The following BBS9 variants were observed in gnomAD, a reference collection of about 807,000 sequenced individuals.
The protein encoded by BBS9 is protein PTHB1.
Under a neutral mutation model 117.7 loss-of-function variants are expected in BBS9, and 89 were observed. The observed-to-expected ratio is 0.76, with a 90% CI of 0.64 to 0.90. BBS9 has a LOEUF of 0.90. Among genes scored for constraint, BBS9 ranks in the 40% least tolerant of loss-of-function variants. The pLI is 0.00. For missense variants in BBS9, 982 were observed against 1,042.2 expected (o/e 0.94, Z 0.80); for synonymous variants, 379 against 370.9 (o/e 1.02, Z -0.25).
intron 20 of BBS9, 108 bp from the exon 21 acceptor site, chr7:33,533,846 G>T: frequency 7.7e-7 from 1 of 1,297,634 alleles, no homozygotes. Context: ...ACTCTTCACA[G>T]GTTCCCAACA....
At chr7:33,386,566 C>T (rs1262697189) in intron 18 of BBS9, among the ~76,000 whole-genome samples, 2 of 152,002 alleles carry the variant, frequency 1.3e-5, no homozygotes. Flanking sequence ...TCTCGGCTCA[C>T]TGCAAGCTTG....
intron 5 of BBS9, among the ~76,000 whole-genome samples, chr7:33,248,023 G>A (rs1441182385): frequency 6.6e-6 from 1 of 152,182 alleles, no homozygotes; most frequent in Non-Finnish European, 1.5e-5. Flanking sequence ...AATGGTCTTT[G>A]TGAGGCAATT....
At chr7:33,450,676 G>A (rs1209583119) in intron 19 of BBS9, among the ~76,000 whole-genome samples, 1 of 152,066 alleles carries the variant, frequency 6.6e-6, no homozygotes, top group East Asian at 1.9e-4. Flanking sequence ...GTTTTCTTTG[G>A]AGAAATCTCT....
chr7:33,133,178 G>A (rs1170272863), intron 1 of BBS9, among the ~76,000 whole-genome samples: 1 of 151,896 alleles, frequency 6.6e-6, no homozygotes, highest in Non-Finnish European at 1.5e-5. Context: ...CCAAAAGCAT[G>A]AAGAATAACA....
chr7:33,443,552 C>A (rs1430753627), intron 19 of BBS9, among the ~76,000 whole-genome samples: 1 of 152,130 alleles, frequency 6.6e-6, no homozygotes, highest in Admixed American at 6.6e-5. Flanking sequence ...ATTGTTTGAT[C>A]AGTGTGAAAT....
chr7:33,222,909 C>T (rs893369535), intron 5 of BBS9, among the ~76,000 whole-genome samples: 15 of 151,048 alleles, frequency 9.9e-5, no homozygotes, highest in East Asian at 1.9e-4. Flanking sequence ...GCTGAGATCA[C>T]GCCACTGTAC....
chr7:33,572,714 A>G (rs1035707672), intron 21 of BBS9, among the ~76,000 whole-genome samples: 1 of 151,964 alleles, frequency 6.6e-6, no homozygotes, highest in Non-Finnish European at 1.5e-5. Flanking sequence ...CATATTTTTC[A>G]TGTATGTGTT....
chr7:33,344,083 T>C (rs1299505170), intron 11 of BBS9, among the ~76,000 whole-genome samples: 2 of 132,860 alleles, frequency 1.5e-5, no homozygotes, highest in Admixed American at 1.5e-4. Flanking sequence ...GATGAGTTTT[T>C]TTTTTTTTTT....
intron 19 of BBS9, among the ~76,000 whole-genome samples, chr7:33,451,443 G>T (rs945086568): frequency 6.6e-6 from 1 of 152,020 alleles, no homozygotes; most frequent in Non-Finnish European, 1.5e-5. Context: ...ATTATTTGTA[G>T]AAGAGACTAT....
At chr7:33,368,850 T>C (rs1174291381) in intron 17 of BBS9, among the ~76,000 whole-genome samples, 1 of 152,110 alleles carries the variant, frequency 6.6e-6, no homozygotes, top group Non-Finnish European at 1.5e-5. Flanking sequence ...AAAATCATAA[T>C]AGTTTCTGGA....
intron 5 of BBS9, among the ~76,000 whole-genome samples, chr7:33,244,723 A>T (rs1583847923): frequency 6.6e-6 from 1 of 152,292 alleles, no homozygotes; most frequent in African/African-American, 2.4e-5. Context: ...GCATTTGAAG[A>T]TACCAACTGG....
chr7:33,531,175 G>A (rs1850522163), intron 20 of BBS9, among the ~76,000 whole-genome samples: 1 of 152,184 alleles, frequency 6.6e-6, no homozygotes, highest in African/African-American at 2.4e-5. Flanking sequence ...AACCTGGGAG[G>A]AGGAAGTTGC....
intron 9 of BBS9, among the ~76,000 whole-genome samples, chr7:33,329,907 A>T (rs147853529): frequency 6.6e-6 from 1 of 152,146 alleles, no homozygotes; most frequent in East Asian, 1.9e-4. Flanking sequence ...TATTATTTTT[A>T]TGTGTGAATT....
intron 20 of BBS9, among the ~76,000 whole-genome samples, chr7:33,511,455 G>A (rs952952169): frequency 6.6e-6 from 1 of 152,160 alleles, no homozygotes; most frequent in Non-Finnish European, 1.5e-5. Flanking sequence ...GAATCCCAGA[G>A]TTGGAAGGAA....
intron 21 of BBS9, among the ~76,000 whole-genome samples, chr7:33,611,409 A>G (rs1864848495): frequency 6.8e-6 from 1 of 148,054 alleles, no homozygotes; most frequent in African/African-American, 2.5e-5. Flanking sequence ...GGTCTGTAAT[A>G]TTCATTGAAT....
intron 5 of BBS9, among the ~76,000 whole-genome samples, chr7:33,199,395 C>T (rs17170110): frequency 0.026 from 3,999 of 151,936 alleles, 187 homozygotes; most frequent in African/African-American, 0.091. Flanking sequence ...CTGTAAATTT[C>T]CCCCAGTTTC....
In BBS9 at chr7:33,533,617, C is replaced by T. The variant is rs188374209; in HGVS notation, c.2299-337C>T. On this transcript the variant is annotated intron_variant, in intron 20 of 22. Coordinates refer to ENST00000242067, the MANE Select transcript of BBS9 (RefSeq NM_198428.3). ...TTTACCCACCAGATCATTAAACAGA[C>T]GTGTGCCTGATACTCTTTTTGTTGT... 6.7e-5 allele frequency: 22 copies of T among 327,634 alleles called. No individual in the cohort carries two copies. In the East Asian group the frequency reaches 1.4e-3, roughly 20 times the overall value. The allele number at this position is 327,634 out of a possible 1,614,324, so 20.3% of individuals were successfully genotyped here.
At chr7:33,458,349 A>T (rs1183190862) in intron 19 of BBS9, among the ~76,000 whole-genome samples, 3 of 152,116 alleles carry the variant, frequency 2.0e-5, no homozygotes, top group African/African-American at 7.2e-5. Context: ...CAGCATCCCA[A>T]TGTACCTGTT....
rs1165057648 is a variant in BBS9, at chr7:33,273,884, A to T, written c.944A>T (p.Tyr315Phe). ...AATCATAATAACATGCTGCATATTT[A>T]TCAAGATGTGACACTGAAGTGGGCC... ...IGNHNNMLHI[Y>F]QDVTLKWATQ... The change falls in exon 9 of 23, where the codon TAT becomes TTT. Residue 315 changes from tyrosine (Y) to phenylalanine (F), a missense_variant. Physicochemically the swap from Tyr to Phe is conservative, Grantham distance 22. Transcript: ENST00000242067. The T allele has an allele frequency of 6.2e-7, 1 of 1,611,380 alleles. No individual in the cohort carries two copies. Among genetic ancestry groups the T allele is most frequent in the Admixed American group, 1.7e-5 (1 of 60,010 alleles).
Sources: gnomAD v4.1 joint callset for allele counts (sites outside exome capture counted in the v4.1 genomes callset) on GRCh38, gnomAD v4.1.1 for gene constraint, MANE v1.5 for transcripts, NCBI Gene and HGNC (gene_info 2026-07-23, HGNC 2026-07-21) for gene names.